Variants in FAM13A observed in about 807,000 individuals in gnomAD.
FAM13A encodes the protein family with sequence similarity 13 member A.
Under a neutral mutation model 129.6 loss-of-function variants are expected in FAM13A, and 76 were observed. The observed-to-expected ratio is 0.59, with a 90% CI of 0.49 to 0.71. The LOEUF is 0.71. Ranked by LOEUF, FAM13A falls within the 30% of genes least tolerant of loss-of-function variation. The probability of loss-of-function intolerance (pLI) is 0.00; values close to 1 mark genes in which losing one functional copy is unlikely to be tolerated. For missense variants in FAM13A, 1,108 were observed against 1,249.3 expected, an observed-to-expected ratio of 0.89 and a Z score of 1.70; for synonymous variants, 443 against 449.9, an observed-to-expected ratio of 0.98 and a Z score of 0.20.
chr4:89,054,092 T>C (rs1158895578), intron 1 of FAM13A, among the ~76,000 whole-genome samples: 7 of 152,182 alleles, frequency 4.6e-5, no homozygotes, highest in Admixed American at 4.6e-4. Context: ...GTACACATGA[T>C]TGGCAATACA....
intron 7 of FAM13A, among the ~76,000 whole-genome samples, chr4:88,812,237 A>T (rs961279293): frequency 1.3e-5 from 2 of 152,184 alleles, no homozygotes; most frequent in African/African-American, 4.8e-5. Flanking sequence ...TCTTACCTCC[A>T]TATTTGATCA....
chr4:88,972,887 C>T (rs538318398), intron 4 of FAM13A, among the ~76,000 whole-genome samples: 2 of 152,114 alleles, frequency 1.3e-5, no homozygotes, highest in East Asian at 1.9e-4. Flanking sequence ...GGATTACAGG[C>T]GTGAGCCACC....
At chr4:89,049,807 C>T (rs1169354897) in intron 1 of FAM13A, among the ~76,000 whole-genome samples, 1 of 152,190 alleles carries the variant, frequency 6.6e-6, no homozygotes, top group Non-Finnish European at 1.5e-5. Context: ...CAGGCACCTG[C>T]CACCATGCCC....
intron 4 of FAM13A, among the ~76,000 whole-genome samples, chr4:88,975,122 T>G (rs1000720304): frequency 1.3e-5 from 2 of 152,040 alleles, no homozygotes; most frequent in Admixed American, 6.5e-5. Context: ...ATCTAAACGC[T>G]CAAAAGAAAT....
At chr4:88,798,641 C>T (rs541582703) in intron 8 of FAM13A, among the ~76,000 whole-genome samples, 41 of 152,192 alleles carry the variant, frequency 2.7e-4, no homozygotes, top group Admixed American at 5.2e-4. Context: ...TATGTTTCTC[C>T]GTCCACGCCA....
chr4:88,859,054 G>A (rs1739035652), intron 6 of FAM13A, among the ~76,000 whole-genome samples: 1 of 152,118 alleles, frequency 6.6e-6, no homozygotes, highest in African/African-American at 2.4e-5. Flanking sequence ...AAAAGAGGAA[G>A]TGAAAACACA....
chr4:88,970,990 T>C (rs907760254), intron 4 of FAM13A, among the ~76,000 whole-genome samples: 3 of 152,162 alleles, frequency 2.0e-5, no homozygotes, highest in Non-Finnish European at 4.4e-5. Flanking sequence ...GGGTGGATCA[T>C]GAAGTCAGGA....
chr4:89,050,425 T>C (rs955858996), intron 1 of FAM13A, among the ~76,000 whole-genome samples: 2 of 151,950 alleles, frequency 1.3e-5, no homozygotes, highest in African/African-American at 2.4e-5. Context: ...ACATTGGTCT[T>C]GAACTCCTGG....
chr4:88,804,741 C>G (rs1728217165), intron 8 of FAM13A, among the ~76,000 whole-genome samples: 1 of 152,074 alleles, frequency 6.6e-6, no homozygotes, highest in African/African-American at 2.4e-5. Flanking sequence ...GCCTAATCAT[C>G]AGGCAGTTTT....
At chr4:88,845,591 T>C (rs1736507730) in intron 7 of FAM13A, among the ~76,000 whole-genome samples, 1 of 151,878 alleles carries the variant, frequency 6.6e-6, no homozygotes, top group Admixed American at 6.6e-5. Context: ...TTTACTATAA[T>C]GAATTAAAAA....
At chr4:88,870,831 A>T (rs7690881) in intron 6 of FAM13A, among the ~76,000 whole-genome samples, 108,890 of 152,190 alleles carry the variant, frequency 0.72, 40,606 homozygotes, top group East Asian at 0.95. Context: ...AGTGGGTCCC[A>T]GAACTCTGTG....
intron 7 of FAM13A, among the ~76,000 whole-genome samples, chr4:88,849,052 T>C (rs1737129957): frequency 6.6e-6 from 1 of 152,198 alleles, no homozygotes; most frequent in Admixed American, 6.6e-5. Context: ...TATGTTTCTA[T>C]GTATTTTGAA....
chr4:89,002,176 C>G (rs960143357), intron 3 of FAM13A, among the ~76,000 whole-genome samples: 1 of 115,682 alleles, frequency 8.6e-6, no homozygotes, highest in African/African-American at 3.1e-5. Flanking sequence ...CACCCAACGG[C>G]AAAAAAAAAA....
At chr4:88,897,156 T>C (rs1034735833) in intron 6 of FAM13A, among the ~76,000 whole-genome samples, 4 of 152,230 alleles carry the variant, frequency 2.6e-5, no homozygotes, top group Non-Finnish European at 5.9e-5. Context: ...CTAACAACTA[T>C]ACTACGTTAC....
intron 3 of FAM13A, among the ~76,000 whole-genome samples, chr4:88,992,258 CTT>C (rs535122112): frequency 2.0e-4 from 27 of 136,584 alleles, no homozygotes; most frequent in Non-Finnish European, 3.9e-4. Context: ...GAATGAATAA[CTT>C]TTTTTTCTTC....
At chr4:88,936,644 T>C (rs894337959) in intron 5 of FAM13A, 1 of 152,800 alleles carries the variant, frequency 6.5e-6, no homozygotes, top group African/African-American at 2.4e-5. Context: ...CAACTTCCCA[T>C]TGGCATATTC....
intron 4 of FAM13A, among the ~76,000 whole-genome samples, chr4:88,966,625 GT>G (rs1320591175): frequency 6.6e-6 from 1 of 152,028 alleles, no homozygotes; most frequent in African/African-American, 2.4e-5. Flanking sequence ...TTCAACTAAA[GT>G]TGAATCCCCG....
At chr4:89,001,516 A>G (rs984490033) in intron 3 of FAM13A, among the ~76,000 whole-genome samples, 3 of 152,210 alleles carry the variant, frequency 2.0e-5, no homozygotes, top group Admixed American at 1.3e-4. Context: ...GCAGAAACAG[A>G]TATTTGTGTA....
chr4:88,875,212 A>T (rs1742183163), intron 6 of FAM13A, among the ~76,000 whole-genome samples: 1 of 152,244 alleles, frequency 6.6e-6, no homozygotes, highest in Admixed American at 6.5e-5. Flanking sequence ...AGGCAATACC[A>T]TTCAGGACAT....
Sources: allele counts gnomAD v4.1 joint callset (sites outside exome capture counted in the v4.1 genomes callset), GRCh38; gene constraint gnomAD v4.1.1; transcripts MANE v1.5; gene names NCBI Gene and HGNC (gene_info 2026-07-23, HGNC 2026-07-21).